The following DDX11 variants were observed in gnomAD, a reference collection of about 807,000 sequenced individuals.
The protein encoded by DDX11 is DEAD/H-box helicase 11.
In DDX11, 72 loss-of-function variants were observed where a neutral mutation model predicts 125.2. The ratio of observed to expected loss-of-function variants is 0.58; its 90% CI spans 0.48 to 0.70. DDX11 has a LOEUF of 0.70. DDX11 is among the 30% of genes least tolerant of loss of function. The pLI is 0.00. For missense variants in DDX11, 883 were observed against 1,165.0 expected (o/e 0.76, Z 3.52); for synonymous variants, 347 against 452.6 (o/e 0.77, Z 2.96).
At chr12:31,087,281 C>A (rs1396140888) in intron 5 of DDX11, among the ~76,000 whole-genome samples, 1 of 150,644 alleles carries the variant, frequency 6.6e-6, no homozygotes, top group Non-Finnish European at 1.5e-5. Context: ...AGGAGATGGT[C>A]ATGGGGTTCC....
At chr12:31,102,109 C>T (rs1946489622) in intron 21 of DDX11, 127 bp downstream of exon 21, 1 of 1,273,768 alleles carries the variant, frequency 7.9e-7, no homozygotes, top group African/African-American at 2.0e-5. Flanking sequence ...CAGTCCCTGA[C>T]TACAGAGGAT....
intron 2 of DDX11, among the ~76,000 whole-genome samples, chr12:31,079,553 A>T (rs1941431654): frequency 1.4e-5 from 2 of 147,502 alleles, no homozygotes; most frequent in South Asian, 4.4e-4. Flanking sequence ...TTTCTCTTTT[A>T]TGAGGACAAG....
At chr12:31,082,265 G>A (rs201577383) in intron 2 of DDX11, among the ~76,000 whole-genome samples, 1,383 of 147,114 alleles carry the variant, frequency 9.4e-3, no homozygotes, top group African/African-American at 0.035. Flanking sequence ...AACTCCAACC[G>A]CTCACTTGTT....
At chr12:31,079,871 A>T (rs1473512516) in intron 2 of DDX11, among the ~76,000 whole-genome samples, 5 of 151,842 alleles carry the variant, frequency 3.3e-5, no homozygotes, top group Non-Finnish European at 7.4e-5. Context: ...TTCAGTCCAC[A>T]GCAGTGACCA....
intron 11 of DDX11, 39 bp from the exon 12 acceptor site, chr12:31,093,206 C>T: frequency 6.3e-7 from 1 of 1,589,070 alleles, no homozygotes. Flanking sequence ...GAGTCGCCAT[C>T]AGGGCACCAC....
Position 31,078,486 on chromosome 12 carries a change from C to T in DDX11, c.93C>T (p.Tyr31=), listed in dbSNP as rs368329103. Residue 31 remains tyrosine, a synonymous_variant, in exon 2 of 27, where the codon TAC becomes TAT. Transcript: ENST00000542838. Reference sequence around the variant, plus strand: ...AGGAAGACTTCATGGCAGAGCTGTACCGGGTTTTGGAGGCTGGCAAGATTG... The same window carrying T: ...AGGAAGACTTCATGGCAGAGCTGTATCGGGTTTTGGAGGCTGGCAAGATTG... ...SIQEDFMAEL[Y]RVLEAGKIGI... is the part of the protein sequence containing the mutation. 3 of 1,611,608 alleles carry T rather than the reference C, an allele frequency of 1.9e-6. No individual in the cohort carries two copies. In the African/African-American group the frequency reaches 4.0e-5, roughly 22 times the overall value.
chr12:31,096,824 A>G (rs1280042772), intron 16 of DDX11, 35 bp from the exon 17 acceptor site: 4 of 1,614,066 alleles, frequency 2.5e-6, no homozygotes, highest in East Asian at 2.2e-5. Flanking sequence ...GGACCTGACC[A>G]GAGGGAGGCC....
intron 20 of DDX11, 132 bp from the exon 21 acceptor site, chr12:31,101,701 A>C: frequency 7.8e-7 from 1 of 1,287,348 alleles, no homozygotes; most frequent in South Asian, 1.2e-5. Context: ...AGGGGAGCCA[A>C]GTCCTCTTCC....
intron 1 of DDX11, among the ~76,000 whole-genome samples, chr12:31,077,188 A>C (rs1940846491): frequency 6.8e-6 from 1 of 146,956 alleles, no homozygotes; most frequent in Non-Finnish European, 1.5e-5. Flanking sequence ...TGAGTTCCAA[A>C]GAGAGAGGTG....
intron 25 of DDX11, 24 bp from the exon 26 acceptor site, chr12:31,103,553 G>A (rs746086316): frequency 4.3e-6 from 7 of 1,613,704 alleles, no homozygotes; most frequent in Non-Finnish European, 2.5e-6. Flanking sequence ...GTTGCTCGGA[G>A]CCCCAGCCTC....
intron 2 of DDX11, among the ~76,000 whole-genome samples, chr12:31,081,138 C>G (rs4031338): frequency 1.3e-5 from 2 of 152,240 alleles, no homozygotes; most frequent in African/African-American, 4.8e-5. Context: ...TCTTCTTCCT[C>G]TGCTCAGCCT....
chr12:31,082,804 C>G (rs924342022), intron 2 of DDX11, among the ~76,000 whole-genome samples: 6 of 152,194 alleles, frequency 3.9e-5, no homozygotes, highest in Non-Finnish European at 8.8e-5. Context: ...AGTCCGAGAT[C>G]AAGGTGTCAG....
In DDX11 at chr12:31,098,604, T is replaced by C. The variant is rs150879386; in HGVS notation, c.1875+607T>C. Among the ~76,000 whole-genome samples, 33 of 152,326 alleles carry C rather than the reference T, an allele frequency of 2.2e-4. No individual in the cohort carries two copies. The East Asian group carries it at 6.0e-3, about 28-fold the overall frequency. On this transcript the variant is annotated intron_variant, in intron 18 of 26. Coordinates refer to ENST00000542838, the MANE Select transcript of DDX11 (RefSeq NM_030653.4). ...CTGTTTTGAGCATGACTGTGATAAA[T>C]ATAACCGCATTTCTGCACAGTGGTG... is the stretch of plus-strand genomic sequence containing the variant.
chr12:31,100,243 G>A (rs1458090983), intron 18 of DDX11, among the ~76,000 whole-genome samples: 3 of 152,292 alleles, frequency 2.0e-5, no homozygotes, highest in African/African-American at 7.2e-5. Context: ...TACTGTCTAG[G>A]AATGCCTGTT....
rs375203522 is a variant in DDX11 at position 31,102,558 on chromosome 12, C to G, written c.2372+31C>G. On this transcript the variant is annotated intron_variant, in intron 23 of 26. Transcript: ENST00000542838. ...TAGTGGTTCTGCTCGTCTCCTGGGC[C>G]GTGATACATGGCCGGCCCTCACTCC... The G allele has an allele frequency of 3.3e-5, 53 of 1,598,416 alleles. 1 individual carries two copies. Among genetic ancestry groups the G allele is most frequent in the South Asian group, 3.2e-4 (29 of 90,684 alleles).
chr12:31,094,934 A>C (rs1230186613), intron 14 of DDX11, 112 bp downstream of exon 14: 3 of 1,187,634 alleles, frequency 2.5e-6, no homozygotes, highest in Non-Finnish European at 3.7e-6. Context: ...ACAGATGTGT[A>C]ATTACTTAAC....
intron 23 of DDX11, 112 bp downstream of exon 23, chr12:31,102,639 C>T (rs1247257321): frequency 1.7e-5 from 17 of 1,013,088 alleles, no homozygotes; most frequent in African/African-American, 4.8e-5. Context: ...AGCTGGGCTG[C>T]GACTGCTCAG....
At chr12:31,077,236 G>A (rs1313765940) in intron 1 of DDX11, among the ~76,000 whole-genome samples, 1 of 151,948 alleles carries the variant, frequency 6.6e-6, no homozygotes, top group Non-Finnish European at 1.5e-5. Flanking sequence ...TCCAGATAGC[G>A]TTTACTTCTC....
intron 11 of DDX11, 28 bp from the exon 12 acceptor site, chr12:31,093,217 C>G (rs1397688729): frequency 6.2e-7 from 1 of 1,601,894 alleles, no homozygotes; most frequent in Non-Finnish European, 8.5e-7. Context: ...AGGGCACCAC[C>G]ACTTAATGTC....
Sources: allele counts gnomAD v4.1 joint callset (sites outside exome capture counted in the v4.1 genomes callset), GRCh38; gene constraint gnomAD v4.1.1; transcripts MANE v1.5; gene names NCBI Gene and HGNC (gene_info 2026-07-23, HGNC 2026-07-21).